Variants in THSD4 observed in about 807,000 individuals in gnomAD.
THSD4 encodes the protein thrombospondin type 1 domain containing 4.
A neutral mutation model predicts 119.0 loss-of-function variants in THSD4; 69 were observed. The observed-to-expected ratio is 0.58, with a 90% CI of 0.48 to 0.71. The LOEUF is 0.71. Among genes scored for constraint, THSD4 ranks in the 30% least tolerant of loss-of-function variants. The pLI, the probability that THSD4 is intolerant of heterozygous loss-of-function variation, is 0.00. For synonymous variants in THSD4, 524 were observed against 540.4 expected (o/e 0.97, Z 0.42); for missense variants, 1,393 against 1,391.1 (o/e 1.00, Z -0.02).
intron 7 of THSD4, among the ~76,000 whole-genome samples, chr15:71,487,114 A>G (rs1023255659): frequency 6.6e-6 from 1 of 152,226 alleles, no homozygotes; most frequent in African/African-American, 2.4e-5. Context: ...CCACTGTAAG[A>G]CATTCAGCTG....
chr15:71,235,772 G>C (rs564453175), intron 4 of THSD4, among the ~76,000 whole-genome samples: 1 of 152,106 alleles, frequency 6.6e-6, no homozygotes, highest in East Asian at 1.9e-4. Flanking sequence ...TGTGTTTTTA[G>C]TAGAGATGGG....
At chr15:71,661,034 A>G (rs1286673195) in intron 8 of THSD4, among the ~76,000 whole-genome samples, 1 of 152,210 alleles carries the variant, frequency 6.6e-6, no homozygotes, top group Non-Finnish European at 1.5e-5. Flanking sequence ...TTGCTCTGAG[A>G]TGGGAGAAGC....
At chr15:71,302,574 T>C (rs1460278382) in intron 6 of THSD4, among the ~76,000 whole-genome samples, 2 of 141,450 alleles carry the variant, frequency 1.4e-5, no homozygotes, top group Non-Finnish European at 3.1e-5. Flanking sequence ...ATGGTTTTGT[T>C]GGGTGGGAGT....
At chr15:71,172,429 A>G (rs1015156921) in intron 3 of THSD4, among the ~76,000 whole-genome samples, 1 of 151,962 alleles carries the variant, frequency 6.6e-6, no homozygotes, top group African/African-American at 2.4e-5. Context: ...ATTGACCTAT[A>G]GATTTAACAC....
At chr15:71,368,929 C>T (rs917931731) in intron 6 of THSD4, among the ~76,000 whole-genome samples, 1 of 152,146 alleles carries the variant, frequency 6.6e-6, no homozygotes, top group Non-Finnish European at 1.5e-5. Context: ...ATGGAATGTT[C>T]TTCCATTTGT....
In THSD4 at chr15:71,155,994, T is replaced by C. The variant is rs184504793; in HGVS notation, c.99+1062T>C. On this transcript the variant is annotated intron_variant, in intron 3 of 17. Transcript: ENST00000261862. ...TGGACAGTATTGCATATGCTTCCCT[T>C]CAGGCTTTGTGTGTTTTATAGTAAA... 1.5e-3 allele frequency among the ~76,000 whole-genome samples: 222 copies of C among 152,304 alleles called. 6 individuals carry two copies. The highest frequency in any genetic ancestry group is 0.014 in the Admixed American group (219 of 15,298).
chr15:71,715,737 C>A (rs532566793), intron 8 of THSD4, among the ~76,000 whole-genome samples: 1 of 150,658 alleles, frequency 6.6e-6, no homozygotes, highest in Non-Finnish European at 1.5e-5. Context: ...GCAATTTAGT[C>A]GCAGATTTGG....
intron 9 of THSD4, 95 bp from the exon 10 acceptor site, chr15:71,731,026 C>T: frequency 1.7e-6 from 2 of 1,162,820 alleles, no homozygotes; most frequent in South Asian, 1.3e-5. Context: ...GTGAACCAAC[C>T]CAGTCATTTC....
intron 6 of THSD4, among the ~76,000 whole-genome samples, chr15:71,266,430 C>T (rs755916754): frequency 6.6e-6 from 1 of 152,044 alleles, no homozygotes; most frequent in Non-Finnish European, 1.5e-5. Context: ...ACAAAAAGGA[C>T]GTCCACGCAA....
intron 6 of THSD4, among the ~76,000 whole-genome samples, chr15:71,399,976 A>G (rs1161499972): frequency 6.6e-6 from 1 of 152,202 alleles, no homozygotes; most frequent in Admixed American, 6.5e-5. Context: ...TTTAAAAGGG[A>G]TGTTTTTGTG....
intron 3 of THSD4, among the ~76,000 whole-genome samples, chr15:71,188,575 C>T (rs1288247522): frequency 6.6e-6 from 1 of 152,112 alleles, no homozygotes; most frequent in Non-Finnish European, 1.5e-5. Flanking sequence ...AGGATCTGAC[C>T]TGCAGAAGCT....
At chr15:71,742,710 A>G (rs1272713487) in intron 11 of THSD4, among the ~76,000 whole-genome samples, 7 of 152,094 alleles carry the variant, frequency 4.6e-5, no homozygotes, top group Admixed American at 4.6e-4. Context: ...CTTTCTAAAT[A>G]TATTAAAACT....
At chr15:71,739,725 A>G (rs1404688444) in intron 11 of THSD4, among the ~76,000 whole-genome samples, 1 of 151,850 alleles carries the variant, frequency 6.6e-6, no homozygotes, top group East Asian at 1.9e-4. Flanking sequence ...TGCTAAAGAA[A>G]CAGGAAGGCT....
At chr15:71,400,950 G>A (rs913302814) in intron 6 of THSD4, among the ~76,000 whole-genome samples, 2 of 152,140 alleles carry the variant, frequency 1.3e-5, no homozygotes, top group African/African-American at 4.8e-5. Flanking sequence ...TATTCTCCAG[G>A]AACAGCTTCA....
At chr15:71,222,637 G>A (rs2043984057) in intron 4 of THSD4, among the ~76,000 whole-genome samples, 1 of 152,082 alleles carries the variant, frequency 6.6e-6, no homozygotes, top group African/African-American at 2.4e-5. Flanking sequence ...TGAGGAGGGT[G>A]GGCTTCCCAG....
intron 7 of THSD4, among the ~76,000 whole-genome samples, chr15:71,432,732 C>A (rs994066625): frequency 1.3e-5 from 2 of 151,888 alleles, no homozygotes; most frequent in African/African-American, 4.8e-5. Context: ...ACTTTTATAA[C>A]CTCTTAAAGT....
At chr15:71,336,424 GA>G (rs758550612) in intron 6 of THSD4, among the ~76,000 whole-genome samples, 1 of 152,266 alleles carries the variant, frequency 6.6e-6, no homozygotes, top group African/African-American at 2.4e-5. Context: ...TTAAAGCAAG[GA>G]ATTTTATACT....
chr15:71,432,973 G>GTCT (rs1381182740), intron 7 of THSD4, among the ~76,000 whole-genome samples: 12 of 151,752 alleles, frequency 7.9e-5, no homozygotes, highest in Non-Finnish European at 1.8e-4. Context: ...TGGTAGTTTT[G>GTCT]ATTACATATT....
chr15:71,731,403 T>A lies in THSD4; in HGVS notation c.1630+186T>A, dbSNP rs539860639. Reference sequence around the variant, plus strand: ...CACCATTTGTCTGAGCCTTCACTGATGAGACTGTTTCATTCACTCGATTCC... The same window carrying A: ...CACCATTTGTCTGAGCCTTCACTGAAGAGACTGTTTCATTCACTCGATTCC... On this transcript the variant is annotated intron_variant, in intron 10 of 17. Coordinates refer to ENST00000261862, the MANE Select transcript of THSD4 (RefSeq NM_024817.3). 12 of 599,610 alleles carry A rather than the reference T, an allele frequency of 2.0e-5. No individual in the cohort carries two copies. In the South Asian group the frequency reaches 2.2e-4, roughly 11 times the overall value. The allele number at this position is 599,610 out of a possible 1,614,324, so 37.1% of individuals were successfully genotyped here.
Sources: allele counts gnomAD v4.1 joint callset (sites outside exome capture counted in the v4.1 genomes callset), GRCh38; gene constraint gnomAD v4.1.1; transcripts MANE v1.5; gene names NCBI Gene and HGNC (gene_info 2026-07-23, HGNC 2026-07-21).